DLGAP2: variants seen among roughly 807,000 people sequenced by gnomAD.
The protein encoded by DLGAP2 is DLG associated protein 2.
Under a neutral mutation model 100.3 loss-of-function variants are expected in DLGAP2, and 26 were observed. That is an observed-to-expected ratio of 0.26 (90% confidence interval 0.19 to 0.36). DLGAP2 has a LOEUF of 0.36. DLGAP2 is among the 10% of genes least tolerant of loss of function. The pLI, the probability that DLGAP2 is intolerant of heterozygous loss-of-function variation, is 1.00. For missense variants in DLGAP2, 1,858 were observed against 1,453.2 expected, an observed-to-expected ratio of 1.28 and a Z score of -4.53; for synonymous variants, 886 against 630.1, an observed-to-expected ratio of 1.41 and a Z score of -6.08.
At chr8:925,046 T>C (rs1798784391) in intron 2 of DLGAP2, among the ~76,000 whole-genome samples, 1 of 152,202 alleles carries the variant, frequency 6.6e-6, no homozygotes, top group South Asian at 2.1e-4. Context: ...TTGATAATTA[T>C]GTTGATAATG....
At chr8:1,375,104 C>T (rs573805441) in intron 3 of DLGAP2, among the ~76,000 whole-genome samples, 2 of 146,582 alleles carry the variant, frequency 1.4e-5, no homozygotes, top group African/African-American at 5.0e-5. Flanking sequence ...ACTGAGCCCC[C>T]ACCTCCTACA....
intron 2 of DLGAP2, among the ~76,000 whole-genome samples, chr8:978,803 C>G (rs1457981366): frequency 6.6e-6 from 1 of 152,142 alleles, no homozygotes; most frequent in African/African-American, 2.4e-5. Context: ...TTTCAAACAG[C>G]TTACCTTTTG....
At chr8:1,021,390 A>G (rs1801619074) in intron 2 of DLGAP2, among the ~76,000 whole-genome samples, 3 of 152,186 alleles carry the variant, frequency 2.0e-5, no homozygotes, top group Admixed American at 2.0e-4. Context: ...AGCAGAAACC[A>G]TGAGGGTGGC....
chr8:1,269,474 G>A (rs983757830), intron 3 of DLGAP2, among the ~76,000 whole-genome samples: 1 of 152,186 alleles, frequency 6.6e-6, no homozygotes, highest in African/African-American at 2.4e-5. Flanking sequence ...CATTTGAGCT[G>A]AGTTTTAGAT....
At chr8:1,545,330 A>C (rs1403264125) in intron 4 of DLGAP2, among the ~76,000 whole-genome samples, 5 of 152,170 alleles carry the variant, frequency 3.3e-5, no homozygotes, top group Admixed American at 1.3e-4. Context: ...TTTTATTGTT[A>C]TACTTACAAT....
At chr8:784,529 A>G (rs1821785840) in intron 1 of DLGAP2, among the ~76,000 whole-genome samples, 1 of 152,268 alleles carries the variant, frequency 6.6e-6, no homozygotes, top group Non-Finnish European at 1.5e-5. Flanking sequence ...CTTTGAATGG[A>G]TAATGGCTGG....
At chr8:1,312,770 C>CATAT (rs1800642946) in intron 3 of DLGAP2, among the ~76,000 whole-genome samples, 1 of 152,172 alleles carries the variant, frequency 6.6e-6, no homozygotes, top group Non-Finnish European at 1.5e-5. Context: ...TAGAAGTGCC[C>CATAT]ATATGCTCAC....
intron 3 of DLGAP2, among the ~76,000 whole-genome samples, chr8:1,490,949 C>A (rs1190402799): frequency 6.7e-6 from 1 of 149,998 alleles, no homozygotes; most frequent in East Asian, 1.9e-4. Context: ...GGGTGCAGCA[C>A]ACCAACATGG....
At chr8:914,950 T>C (rs1366475540) in intron 2 of DLGAP2, among the ~76,000 whole-genome samples, 1 of 152,146 alleles carries the variant, frequency 6.6e-6, no homozygotes, top group Non-Finnish European at 1.5e-5. Context: ...CTTGGGGGTG[T>C]CAGGAGGGTA....
intron 2 of DLGAP2, among the ~76,000 whole-genome samples, chr8:931,994 A>C (rs1309445165): frequency 6.6e-6 from 1 of 152,142 alleles, no homozygotes; most frequent in South Asian, 2.1e-4. Context: ...TTATTTGTTA[A>C]TCTTTCTTTT....
intron 3 of DLGAP2, among the ~76,000 whole-genome samples, chr8:1,287,503 T>TGG (rs1563062349): frequency 3.7e-5 from 3 of 80,234 alleles, no homozygotes; most frequent in African/African-American, 1.2e-4. Flanking sequence ...TGTGGTTCTG[T>TGG]TAGGAGGGGA....
At chr8:1,424,268 T>C (rs1563138396) in intron 3 of DLGAP2, among the ~76,000 whole-genome samples, 1 of 152,224 alleles carries the variant, frequency 6.6e-6, no homozygotes, top group Non-Finnish European at 1.5e-5. Flanking sequence ...GTCCCTTCTG[T>C]AGTCTGCATC....
intron 3 of DLGAP2, among the ~76,000 whole-genome samples, chr8:1,365,174 G>T (rs1358126428): frequency 2.0e-5 from 3 of 152,210 alleles, no homozygotes; most frequent in Non-Finnish European, 2.9e-5. Flanking sequence ...CATTTGAGGG[G>T]TGTGTTAGGA....
At chr8:897,659 T>C (rs1798169455) in intron 1 of DLGAP2, among the ~76,000 whole-genome samples, 1 of 152,074 alleles carries the variant, frequency 6.6e-6, no homozygotes, top group Non-Finnish European at 1.5e-5. Flanking sequence ...TGCCGCCCCT[T>C]CCCTGCCCCG....
At chr8:908,569 A>G (rs1798424940) in intron 2 of DLGAP2, among the ~76,000 whole-genome samples, 1 of 152,200 alleles carries the variant, frequency 6.6e-6, no homozygotes. Flanking sequence ...TGACGGAGAA[A>G]AAGAAGGTCT....
In DLGAP2 at chr8:1,549,321, C is replaced by T. The variant is rs370790778; in HGVS notation, c.868C>T (p.Arg290Trp). 5 of 1,612,872 alleles carry T rather than the reference C, an allele frequency of 3.1e-6. No homozygotes were observed. Among genetic ancestry groups the T allele is most frequent in the Middle Eastern group, 1.6e-4 (1 of 6,084 alleles). Reference sequence around the variant, plus strand: ...GGAGCGCAAGCCGGAGGGCAAGCCCCGGCCCGGCATGAGCAGCTGGTGGAG... The same window carrying T: ...GGAGCGCAAGCCGGAGGGCAAGCCCTGGCCCGGCATGAGCAGCTGGTGGAG... ...SKERKPEGKP[R>W]PGMSSWWSSD... The change falls in exon 5 of 15, where the codon CGG becomes TGG. Residue 290 changes from arginine (R) to tryptophan (W), a missense_variant. By Grantham distance (101) the Arg-to-Trp change is moderately radical. Coordinates refer to ENST00000637795, the MANE Select transcript of DLGAP2 (RefSeq NM_001346810.2).
At position 1,433,395 on chromosome 8, in the gene DLGAP2, C is replaced by T. The variant is rs538234064; in HGVS notation, c.107-67971C>T. ...CAGGAGGGGTTGGTCCTGCCAGGCA[C>T]CCGCTGCGGTGGCCAGGCCCAAGCA... On this transcript the variant is annotated intron_variant, in intron 3 of 14. Transcript: ENST00000637795. Among the ~76,000 whole-genome samples, 127 of 152,318 alleles carry T rather than the reference C, an allele frequency of 8.3e-4. 1 individual carries two copies. The Middle Eastern group carries it at 0.014, about 16-fold the overall frequency.
chr8:1,200,571 T>G (rs998479418), intron 2 of DLGAP2, among the ~76,000 whole-genome samples: 1 of 152,136 alleles, frequency 6.6e-6, no homozygotes, highest in Non-Finnish European at 1.5e-5. Context: ...GGAAAGAGCC[T>G]CCCGCCTGCA....
intron 3 of DLGAP2, among the ~76,000 whole-genome samples, chr8:1,383,767 C>T (rs1455955512): frequency 6.6e-6 from 1 of 152,160 alleles, no homozygotes; most frequent in Admixed American, 6.5e-5. Flanking sequence ...TTGACATTAA[C>T]AAGAAGCATG....
Sources: gnomAD v4.1 joint callset for allele counts (sites outside exome capture counted in the v4.1 genomes callset) on GRCh38, gnomAD v4.1.1 for gene constraint, MANE v1.5 for transcripts, NCBI Gene and HGNC (gene_info 2026-07-23, HGNC 2026-07-21) for gene names.